The following FER variants were observed in gnomAD, a reference collection of about 807,000 sequenced individuals.
FER encodes the protein FER tyrosine kinase.
In FER, 63 loss-of-function variants were observed where a neutral mutation model predicts 111.0. The observed-to-expected ratio is 0.57, with a 90% CI of 0.46 to 0.70. FER has a LOEUF of 0.70. Ranked by LOEUF, FER falls within the 30% of genes least tolerant of loss-of-function variation. FER has a pLI of 0.00. For missense variants in FER, 914 were observed against 954.0 expected, an observed-to-expected ratio of 0.96 and a Z score of 0.55; for synonymous variants, 327 against 313.9, an observed-to-expected ratio of 1.04 and a Z score of -0.44.
At chr5:108,967,585 A>G (rs1462669063) in intron 13 of FER, among the ~76,000 whole-genome samples, 1 of 151,804 alleles carries the variant, frequency 6.6e-6, no homozygotes, top group African/African-American at 2.4e-5. Context: ...AATATGGTGA[A>G]ACCCTCTCTA....
intron 17 of FER, among the ~76,000 whole-genome samples, chr5:109,154,156 C>T (rs1755127364): frequency 6.6e-6 from 1 of 151,758 alleles, no homozygotes; most frequent in East Asian, 1.9e-4. Context: ...ATAATTGGAA[C>T]CAGAAAACAA....
intron 17 of FER, among the ~76,000 whole-genome samples, chr5:109,128,871 CATT>C (rs928516552): frequency 1.3e-5 from 2 of 151,828 alleles, no homozygotes; most frequent in Non-Finnish European, 2.9e-5. Context: ...ATTGAGAAAA[CATT>C]GTAAAATAAA....
At chr5:109,185,103 G>A (rs753459929) in intron 18 of FER, among the ~76,000 whole-genome samples, 7 of 152,152 alleles carry the variant, frequency 4.6e-5, no homozygotes, top group Non-Finnish European at 7.4e-5. Flanking sequence ...GCTGGAGATT[G>A]GAAAAAACTG....
rs373941200 is a variant in FER, at chr5:108,824,034, A to G, written c.208-8736A>G. On this transcript the variant is annotated intron_variant, in intron 3 of 19. Coordinates refer to ENST00000281092, the MANE Select transcript of FER (RefSeq NM_005246.4). ...CCCAACACTGTTTATTGAAGAGACT[A>G]TCTTTTCCCTATTGTGTATTCTTGG... Among the ~76,000 whole-genome samples the G allele has an allele frequency of 2.6e-4, 39 of 152,204 alleles. No individual in the cohort carries two copies. In the East Asian group the frequency reaches 2.7e-3, roughly 11 times the overall value.
At chr5:109,134,386 G>T (rs77996170) in intron 17 of FER, among the ~76,000 whole-genome samples, 1 of 151,940 alleles carries the variant, frequency 6.6e-6, no homozygotes, top group Non-Finnish European at 1.5e-5. Flanking sequence ...AAATTAAAAG[G>T]GTGAAATAGA....
At chr5:109,141,523 C>T (rs1203175101) in intron 17 of FER, among the ~76,000 whole-genome samples, 1 of 152,174 alleles carries the variant, frequency 6.6e-6, no homozygotes, top group East Asian at 1.9e-4. Context: ...TAACAAACAA[C>T]ATGAAAATGT....
chr5:108,918,115 GTCTCTAA>G (rs1408632179), intron 10 of FER, among the ~76,000 whole-genome samples: 1 of 152,068 alleles, frequency 6.6e-6, no homozygotes, highest in African/African-American at 2.4e-5. Context: ...CTACTATTTT[GTCTCTAA>G]GCTTTCCAAA....
chr5:108,937,192 A>T, intron 10 of FER, among the ~76,000 whole-genome samples: 1 of 151,964 alleles, frequency 6.6e-6, no homozygotes. Context: ...GAGTTAAGAA[A>T]CCAATAAATC....
intron 17 of FER, among the ~76,000 whole-genome samples, chr5:109,116,964 A>G (rs190746179): frequency 4.3e-4 from 66 of 152,164 alleles, no homozygotes; most frequent in African/African-American, 1.4e-3. Flanking sequence ...TGATTTTGCT[A>G]TTTTCTGTCA....
intron 17 of FER, among the ~76,000 whole-genome samples, chr5:109,130,392 A>G (rs964663654): frequency 2.0e-5 from 3 of 152,100 alleles, no homozygotes; most frequent in African/African-American, 7.2e-5. Context: ...GCCATAGTGT[A>G]TATAGTCCTC....
intron 13 of FER, among the ~76,000 whole-genome samples, chr5:108,993,760 A>G (rs1261923801): frequency 6.6e-6 from 1 of 152,090 alleles, no homozygotes; most frequent in African/African-American, 2.4e-5. Flanking sequence ...GTGTAAAAGC[A>G]TCCCTGTTTC....
chr5:109,001,294 T>G (rs1764731480), intron 13 of FER, among the ~76,000 whole-genome samples: 1 of 152,220 alleles, frequency 6.6e-6, no homozygotes. Context: ...CATGATCAAG[T>G]GGGCTTCTTC....
intron 9 of FER, among the ~76,000 whole-genome samples, chr5:108,892,239 A>G (rs1195961726): frequency 2.6e-5 from 4 of 152,230 alleles, no homozygotes; most frequent in African/African-American, 9.6e-5. Flanking sequence ...AGGAATCGCC[A>G]CACTGACTTC....
intron 5 of FER, among the ~76,000 whole-genome samples, chr5:108,852,411 T>C (rs1762621268): frequency 6.6e-6 from 1 of 152,182 alleles, no homozygotes; most frequent in South Asian, 2.1e-4. Flanking sequence ...GATACGACTT[T>C]TTAAAAGCTC....
At chr5:108,839,577 T>C (rs994190656) in intron 5 of FER, among the ~76,000 whole-genome samples, 91 of 141,514 alleles carry the variant, frequency 6.4e-4, no homozygotes, top group Admixed American at 3.8e-3. Context: ...ATTTTCTTTT[T>C]TTTTTTTTTT....
At chr5:108,771,890 G>T (rs1418060126) in intron 2 of FER, among the ~76,000 whole-genome samples, 2 of 152,094 alleles carry the variant, frequency 1.3e-5, no homozygotes, top group Non-Finnish European at 2.9e-5. Context: ...CATTAAGAAT[G>T]TATTTGTCTT....
At chr5:108,996,962 T>C (rs765917150) in intron 13 of FER, among the ~76,000 whole-genome samples, 1 of 152,174 alleles carries the variant, frequency 6.6e-6, no homozygotes, top group Admixed American at 6.5e-5. Flanking sequence ...TAGTTCTCCT[T>C]AAAGACGTCC....
chr5:109,069,542 C>T (rs1298111368), intron 16 of FER, among the ~76,000 whole-genome samples: 1 of 152,086 alleles, frequency 6.6e-6, no homozygotes, highest in East Asian at 1.9e-4. Context: ...ATTGTCTCTA[C>T]CCCCTGAGTA....
intron 13 of FER, among the ~76,000 whole-genome samples, chr5:109,030,676 A>G (rs72790557): frequency 0.043 from 6,478 of 152,172 alleles, 174 homozygotes; most frequent in Middle Eastern, 0.15. Flanking sequence ...TCTTAGGCCT[A>G]TGGGATTGTT....
Sources: allele counts gnomAD v4.1 joint callset (sites outside exome capture counted in the v4.1 genomes callset), GRCh38; gene constraint gnomAD v4.1.1; transcripts MANE v1.5; gene names NCBI Gene and HGNC (gene_info 2026-07-23, HGNC 2026-07-21).